Variants in STK38L observed in about 807,000 individuals in gnomAD.
STK38L encodes the protein serine/threonine kinase 38 like, also known as serine/threonine-protein kinase 38-like.
A neutral mutation model predicts 59.7 loss-of-function variants in STK38L; 28 were observed. The observed-to-expected ratio is 0.47, with a 90% CI of 0.35 to 0.64. The LOEUF is 0.64. Among genes scored for constraint, STK38L ranks in the 30% least tolerant of loss-of-function variants. The pLI, the probability that STK38L is intolerant of heterozygous loss-of-function variation, is 0.01. For missense variants in STK38L, 314 were observed against 555.8 expected (o/e 0.56, Z 4.37); for synonymous variants, 162 against 176.8 (o/e 0.92, Z 0.66).
At chr12:27,302,338 T>C in intron 3 of STK38L, 150 bp downstream of exon 3, 1 of 564,200 alleles carries the variant, frequency 1.8e-6, no homozygotes, top group Non-Finnish European at 3.0e-6. Context: ...TTTATTGATA[T>C]CTTTAGAAGG....
intron 1 of STK38L, among the ~76,000 whole-genome samples, chr12:27,271,276 G>T (rs1359833972): frequency 1.3e-5 from 2 of 152,196 alleles, no homozygotes; most frequent in African/African-American, 4.8e-5. Context: ...AGTTTTAAAA[G>T]AATTCACCTA....
chr12:27,280,987 A>C (rs1476623185), intron 1 of STK38L, among the ~76,000 whole-genome samples: 3 of 152,138 alleles, frequency 2.0e-5, no homozygotes, highest in African/African-American at 7.2e-5. Context: ...AGAATAAATA[A>C]GGTGATCATG....
At chr12:27,262,598 A>C (rs1943223143) in intron 1 of STK38L, among the ~76,000 whole-genome samples, 1 of 151,918 alleles carries the variant, frequency 6.6e-6, no homozygotes, top group South Asian at 2.1e-4. Context: ...CCAGTGACTC[A>C]GGAGGCTGAG....
chr12:27,316,014 T>C (rs927780910), intron 9 of STK38L, among the ~76,000 whole-genome samples: 3 of 152,226 alleles, frequency 2.0e-5, no homozygotes, highest in Non-Finnish European at 4.4e-5. Context: ...GATTTTCTTT[T>C]TCTCATTTCT....
At position 27,284,206 on chromosome 12, in the gene STK38L, T is replaced by TAC. The variant is rs573577184; in HGVS notation, c.-11-13504_-11-13503insAC. Among the ~76,000 whole-genome samples, 61 of 152,294 alleles carry TAC rather than the reference T, an allele frequency of 4.0e-4. No homozygotes were observed. The Middle Eastern group carries it at 0.01, about 25-fold the overall frequency. On this transcript the variant is annotated intron_variant, in intron 1 of 13. Coordinates refer to ENST00000389032, the MANE Select transcript of STK38L (RefSeq NM_015000.4). ...ATAATCCAGGACTCAGCGCTGGCTA[T>TAC]CAGTGTTCTGATATCCAACTTTGCT...
chr12:27,300,231 G>T (rs1242274215), intron 2 of STK38L, among the ~76,000 whole-genome samples: 1 of 152,156 alleles, frequency 6.6e-6, no homozygotes, highest in Non-Finnish European at 1.5e-5. Context: ...AAGAAAATGT[G>T]ATGTATTTTT....
intron 3 of STK38L, among the ~76,000 whole-genome samples, chr12:27,303,644 T>C (rs898212478): frequency 6.6e-6 from 1 of 152,204 alleles, no homozygotes; most frequent in Non-Finnish European, 1.5e-5. Context: ...TGTAAAAATA[T>C]GTACGCATGA....
At chr12:27,317,802 A>G (rs1741732240) in intron 10 of STK38L, 94 bp from the exon 11 acceptor site, 1 of 1,491,024 alleles carries the variant, frequency 6.7e-7, no homozygotes, top group African/African-American at 1.4e-5. Context: ...TAGAGCACTC[A>G]GGGTTGTTTG....
intron 1 of STK38L, among the ~76,000 whole-genome samples, chr12:27,277,239 C>T (rs980609037): frequency 6.6e-6 from 1 of 151,986 alleles, no homozygotes; most frequent in Non-Finnish European, 1.5e-5. Flanking sequence ...AGTAATTACT[C>T]GTACTTTTAA....
chr12:27,312,663 C>G lies in STK38L; in HGVS notation c.508C>G (p.Leu170Val). The change falls in exon 6 of 14, where the codon CTC (leucine) becomes GTC (valine). Residue 170 changes from leucine to valine, a missense_variant. Leu to Val is a conservative substitution (Grantham distance 32, BLOSUM62 1). Transcript: ENST00000389032. Reference sequence around the variant, plus strand: ...GAATCTTTATCTAATCATGGAATTTCTCCCTGGAGGTAAAAGCAAACATTG... The same window carrying G: ...GAATCTTTATCTAATCATGGAATTTGTCCCTGGAGGTAAAAGCAAACATTG... ...KRNLYLIMEF[L>V]PGGDMMTLLM... 6.2e-7 allele frequency: 1 copy of G among 1,613,806 alleles called. No individual in the cohort carries two copies. Among genetic ancestry groups the G allele is most frequent in the South Asian group, 1.1e-5 (1 of 91,010 alleles).
At chr12:27,245,720 T>A (rs1265222451) in intron 1 of STK38L, 1 of 151,916 alleles carries the variant, frequency 6.6e-6, no homozygotes, top group Non-Finnish European at 1.5e-5. Context: ...TAAAATATTA[T>A]GTTAAATTAT....
chr12:27,296,375 A>G (rs1022671783), intron 1 of STK38L, among the ~76,000 whole-genome samples: 1 of 152,236 alleles, frequency 6.6e-6, no homozygotes, highest in South Asian at 2.1e-4. Flanking sequence ...AGTTTTAGAC[A>G]TAGTGATTCT....
chr12:27,304,044 T>C (rs1944245554), intron 3 of STK38L, among the ~76,000 whole-genome samples: 1 of 152,130 alleles, frequency 6.6e-6, no homozygotes, highest in South Asian at 2.1e-4. Context: ...GGAGGATCAC[T>C]TGAGCCCAGG....
intron 2 of STK38L, 83 bp from the exon 3 acceptor site, chr12:27,302,054 A>T: frequency 8.8e-7 from 1 of 1,135,718 alleles, no homozygotes; most frequent in Non-Finnish European, 1.2e-6. Flanking sequence ...TGAAGTGGTT[A>T]ACCTGAATAA....
intron 1 of STK38L, among the ~76,000 whole-genome samples, chr12:27,267,354 G>A (rs575472258): frequency 6.6e-6 from 1 of 152,282 alleles, no homozygotes; most frequent in African/African-American, 2.4e-5. Flanking sequence ...GGCAGAAGTG[G>A]GAAGATAGTT....
At chr12:27,300,745 CAT>C (rs775482484) in intron 2 of STK38L, 31 of 387,458 alleles carry the variant, frequency 8.0e-5, no homozygotes, top group Non-Finnish European at 1.2e-4. Flanking sequence ...ACTGAGGAAA[CAT>C]GTGTTGGAGA....
At chr12:27,259,501 G>A (rs1287642050) in intron 1 of STK38L, among the ~76,000 whole-genome samples, 1 of 152,088 alleles carries the variant, frequency 6.6e-6, no homozygotes, top group Non-Finnish European at 1.5e-5. Context: ...GATGGACACT[G>A]GACTGGAAGT....
Position 27,308,264 on chromosome 12 carries a change from A to G in STK38L, c.187-75A>G, listed in dbSNP as rs1192103307. The G allele has an allele frequency of 2.2e-6, 3 of 1,334,208 alleles. No individual in the cohort carries two copies. Among genetic ancestry groups the G allele is most frequent in the African/African-American group, 3.0e-5 (2 of 66,904 alleles). The allele number at this position is 1,334,208 out of a possible 1,614,324, so 82.6% of individuals were successfully genotyped here. A position where few individuals can be genotyped will look rare whatever the true frequency, so the allele number is the denominator to read the frequency against. On this transcript the variant is annotated intron_variant, in intron 3 of 13. Transcript: ENST00000389032. The surrounding 1 kb of genome is among the most constrained non-coding windows in gnomAD (Gnocchi z 4.5). ...GCTATCATTTATTTTTACGTGTATC[A>G]TCTTTTAATACTAGAAGCTCCATCA... is the stretch of plus-strand genomic sequence containing the variant.
chr12:27,268,258 C>G (rs1943341721), intron 1 of STK38L, among the ~76,000 whole-genome samples: 1 of 152,012 alleles, frequency 6.6e-6, no homozygotes, highest in Non-Finnish European at 1.5e-5. Flanking sequence ...CTAACGCTAT[C>G]CCTCCCCCTT....
Sources: gnomAD v4.1 joint callset for allele counts (sites outside exome capture counted in the v4.1 genomes callset) on GRCh38, gnomAD v4.1.1 for gene constraint, Gnocchi (gnomAD v3.1) non-coding constraint, MANE v1.5 for transcripts, NCBI Gene and HGNC (gene_info 2026-07-23, HGNC 2026-07-21) for gene names.